Variants in HTD2 observed in about 807,000 individuals in gnomAD.
The protein encoded by HTD2 is hydroxyacyl-thioester dehydratase type 2, mitochondrial.
Under a neutral mutation model 3.1 loss-of-function variants are expected in HTD2, and 1 was observed. The ratio of observed to expected loss-of-function variants is 0.32; its 90% confidence interval spans 0.11 to 1.52. HTD2 has a LOEUF of 1.52. Among genes scored for constraint, HTD2 ranks in the 40% most tolerant of loss-of-function variants. The probability of loss-of-function intolerance (pLI) is 0.39; values close to 1 mark genes in which losing one functional copy is unlikely to be tolerated. For synonymous variants in HTD2, 50 were observed against 28.9 expected, an observed-to-expected ratio of 1.73 and a Z score of -2.34; for missense variants, 150 against 79.6, an observed-to-expected ratio of 1.88 and a Z score of -3.36.
chr3:58,309,968 G>C (rs908776675), intron 1 of HTD2: 5 of 209,570 alleles, frequency 2.4e-5, no homozygotes, highest in Non-Finnish European at 4.9e-5. Context: ...GGGAGGCTGA[G>C]TTGGGCAAAT....
chr3:58,313,394 G>A (rs1417719250), intron 2 of HTD2, among the ~76,000 whole-genome samples: 1 of 152,250 alleles, frequency 6.6e-6, no homozygotes, highest in Non-Finnish European at 1.5e-5. Context: ...AACAGAAGTA[G>A]AGAAGTAGAG....
In HTD2 at chr3:58,316,537, A is replaced by G. The variant is rs771054069; in HGVS notation, c.-308A>G. ...CAGGTTGATGCCGCCTTACCTTTGG[A>G]CATCCTAACCTATGAAGAGAAGACC... On this transcript the variant is annotated 5_prime_UTR_variant, in exon 3 of 5. Transcript: ENST00000461393. 10 of 1,614,006 alleles carry G rather than the reference A, an allele frequency of 6.2e-6. No individual in the cohort carries two copies. In the East Asian group the frequency reaches 2.2e-4, roughly 36 times the overall value.
At chr3:58,313,803 G>A (rs902666098) in intron 2 of HTD2, among the ~76,000 whole-genome samples, 1 of 152,206 alleles carries the variant, frequency 6.6e-6, no homozygotes, top group East Asian at 1.9e-4. Flanking sequence ...TGGGGGTAGG[G>A]GTGGGAAAGG....
chr3:58,317,854 A>G lies in HTD2; in HGVS notation c.241A>G (p.Thr81Ala), dbSNP rs1327201050. Residue 81 changes from threonine (T) to alanine (A), a missense_variant, in exon 5 of 5, where the codon ACA (threonine) becomes GCA (alanine). By Grantham distance (58) the Thr-to-Ala change is moderately conservative. Transcript: ENST00000461393. ...TGCAAAACACACCAAGTTTGGAAAT[A>G]CAATTGTACATGGAGTTTTGATCAA... ...DFAKHTKFGN[T>A]IVHGVLINGL... The G allele has an allele frequency of 1.4e-6, 1 of 703,068 alleles. No individual in the cohort carries two copies. Among genetic ancestry groups the G allele is most frequent in the East Asian group, 2.7e-5 (1 of 37,290 alleles). The allele number at this position is 703,068 out of a possible 1,614,324, so 43.6% of individuals were successfully genotyped here.
intron 2 of HTD2, among the ~76,000 whole-genome samples, chr3:58,314,265 C>A (rs933487055): frequency 1.3e-5 from 2 of 152,128 alleles, no homozygotes; most frequent in African/African-American, 2.4e-5. Flanking sequence ...GCAGGAGAAC[C>A]ACTTGAACCT....
Position 58,317,299 on chromosome 3 carries a change from T to C in HTD2, c.-174-141T>C, listed in dbSNP as rs145536874. 109 of 629,494 alleles carry C rather than the reference T, an allele frequency of 1.7e-4. No individual in the cohort carries two copies. In the African/African-American group the frequency reaches 1.8e-3, roughly 10 times the overall value. 39.0% of individuals were successfully genotyped at this position (629,494 alleles called of 1,614,324 possible). A position where few individuals can be genotyped will look rare whatever the true frequency, so the allele number is the denominator to read the frequency against. On this transcript the variant is annotated intron_variant, in intron 4 of 4. Coordinates refer to ENST00000461393, the MANE Select transcript of HTD2 (RefSeq NM_001348712.2). ...CTTTTTGAGATGTGACCACTTGTTA[T>C]CGAAGGCTTCCTCTCAGGATGCTCT...
chr3:58,307,153 G>T (rs1009557936), intron 1 of HTD2, among the ~76,000 whole-genome samples: 6 of 152,234 alleles, frequency 3.9e-5, no homozygotes, highest in Non-Finnish European at 7.3e-5. Context: ...TGGTGGCGGG[G>T]ATTGAGCGGA....
At chr3:58,307,017 G>C (rs528455189) in intron 1 of HTD2, among the ~76,000 whole-genome samples, 1 of 152,256 alleles carries the variant, frequency 6.6e-6, no homozygotes, top group Non-Finnish European at 1.5e-5. Context: ...AGCCAGGAAG[G>C]GGGCAAGGGT....
At chr3:58,310,896 C>T (rs1456309714) in intron 2 of HTD2, among the ~76,000 whole-genome samples, 2 of 149,240 alleles carry the variant, frequency 1.3e-5, no homozygotes, top group East Asian at 3.9e-4. Context: ...CGCCACTGCA[C>T]TCCAGCCTGG....
chr3:58,317,847 T>G lies in HTD2; in HGVS notation c.234T>G (p.Phe78Leu), dbSNP rs1160905285. 4 of 703,030 alleles carry G rather than the reference T, an allele frequency of 5.7e-6. No homozygotes were observed. The highest frequency in any genetic ancestry group is 1.0e-5 in the Non-Finnish European group (4 of 385,002). 43.5% of individuals were successfully genotyped at this position (703,030 alleles called of 1,614,324 possible). ...LNEDFAKHTKFGNTIVHGVLI... is the reference protein window; with the variant it reads ...LNEDFAKHTKLGNTIVHGVLI... ...AAGACTTTGCAAAACACACCAAGTTTGGAAATACAATTGTACATGGAGTTT... is the reference window on the plus strand; with the variant it reads ...AAGACTTTGCAAAACACACCAAGTTGGGAAATACAATTGTACATGGAGTTT... Residue 78 changes from phenylalanine (F) to leucine (L), a missense_variant, in exon 5 of 5, where the codon TTT becomes TTG. Transcript: ENST00000461393.
chr3:58,314,526 C>T (rs913422856), intron 2 of HTD2, among the ~76,000 whole-genome samples: 2 of 151,998 alleles, frequency 1.3e-5, no homozygotes, highest in Non-Finnish European at 2.9e-5. Context: ...ATTAATGACA[C>T]AATGAGATAC....
chr3:58,315,443 C>CT lies in HTD2; in HGVS notation c.-330-1069dup, dbSNP rs762248932. Among the ~76,000 whole-genome samples the CT allele has an allele frequency of 1.1e-4, 17 of 152,134 alleles. No individual in the cohort carries two copies. In the East Asian group the frequency reaches 3.3e-3, roughly 29 times the overall value. ...AAGGGAGTCTTATGATGGTACAGTT[C>CT]TTTATCATTGATTGTGGTGGTAGTT... On this transcript the variant is annotated intron_variant, in intron 2 of 4. Coordinates refer to ENST00000461393, the MANE Select transcript of HTD2 (RefSeq NM_001348712.2).
Position 58,316,519 on chromosome 3 carries a change from A to T in HTD2, c.-326A>T. On this transcript the variant is annotated 5_prime_UTR_variant, in exon 3 of 5. An upstream start codon of the reference 5' UTR is lost. Transcript: ENST00000461393. ...ATAGCATTATTCCATATGCAGGTTG[A>T]TGCCGCCTTACCTTTGGACATCCTA... The T allele has an allele frequency of 6.2e-7, 1 of 1,613,840 alleles. No individual in the cohort carries two copies.
chr3:58,313,798 G>T (rs2097484995), intron 2 of HTD2, among the ~76,000 whole-genome samples: 3 of 152,204 alleles, frequency 2.0e-5, no homozygotes, highest in Non-Finnish European at 4.4e-5. Context: ...ATGGCTGGGG[G>T]TAGGGGTGGG....
intron 1 of HTD2, among the ~76,000 whole-genome samples, chr3:58,308,724 C>T (rs2097478512): frequency 6.6e-6 from 1 of 152,116 alleles, no homozygotes; most frequent in Admixed American, 6.6e-5. Flanking sequence ...TGGATAAGTC[C>T]CTTTCCTTGA....
rs901122343 is a variant in HTD2 at position 58,320,071 on chromosome 3, G to T, written c.*1951G>T. ...GACATTTCATAAAAGTTCATACAAT[G>T]TATGATCCTTTGGAACTGGCTTCTT... On this transcript the variant is annotated 3_prime_UTR_variant, in exon 5 of 5. Coordinates refer to ENST00000461393, the MANE Select transcript of HTD2 (RefSeq NM_001348712.2). 1 of 152,038 alleles carries T rather than the reference G, an allele frequency of 6.6e-6. No individual in the cohort carries two copies. Among genetic ancestry groups the T allele is most frequent in the East Asian group, 1.9e-4 (1 of 5,204 alleles). 9.4% of individuals were successfully genotyped at this position (152,038 alleles called of 1,614,324 possible). A position where few individuals can be genotyped will look rare whatever the true frequency, so the allele number is the denominator to read the frequency against.
chr3:58,317,271 G>A (rs61358678), intron 4 of HTD2, among the ~76,000 whole-genome samples, 169 bp from the exon 5 acceptor site: 6,966 of 152,102 alleles, frequency 0.046, 558 homozygotes, highest in African/African-American at 0.16. Flanking sequence ...ATATTGGTAC[G>A]CTCTTTTTGA....
chr3:58,317,672 G>A lies in HTD2; in HGVS notation c.59G>A (p.Cys20Tyr), dbSNP rs538545058. ...LWWGGLRRTV[C>Y]LNLPVLTLQH... is the part of the protein sequence containing the mutation. The stretch of plus-strand genomic sequence containing the variant: ...TGGGGTGGGCTTCGGAGGACAGTCT[G>A]TCTGAACCTGCCAGTGCTGACCCTG... Residue 20 changes from cysteine (C) to tyrosine (Y), a missense_variant, in exon 5 of 5, where the codon TGT (cysteine) becomes TAT (tyrosine). Coordinates refer to ENST00000461393, the MANE Select transcript of HTD2 (RefSeq NM_001348712.2). 1.3e-5 allele frequency: 9 copies of A among 706,228 alleles called. No homozygotes were observed. Among genetic ancestry groups the A allele is most frequent in the Middle Eastern group, 2.3e-4 (1 of 4,372 alleles). The allele number at this position is 706,228 out of a possible 1,614,324, so 43.7% of individuals were successfully genotyped here.
Position 58,309,477 on chromosome 3 carries a change from A to G in HTD2, c.-415-1030A>G, listed in dbSNP as rs560570156. ...AATTGTTAGCCAAAATTATGTTGTT[A>G]TGTTTTAAGTAAGAGTACAGTGATT... On this transcript the variant is annotated intron_variant, in intron 1 of 4. Coordinates refer to ENST00000461393, the MANE Select transcript of HTD2 (RefSeq NM_001348712.2). Among the ~76,000 whole-genome samples, 9 of 152,338 alleles carry G rather than the reference A, an allele frequency of 5.9e-5. No homozygotes were observed. The East Asian group carries it at 1.7e-3, about 29-fold the overall frequency.
Sources: allele counts gnomAD v4.1 joint callset (sites outside exome capture counted in the v4.1 genomes callset), GRCh38; gene constraint gnomAD v4.1.1; transcripts MANE v1.5; gene names NCBI Gene and HGNC (gene_info 2026-07-23, HGNC 2026-07-21).